Variants in WASF1 observed in about 807,000 individuals in gnomAD.
The protein encoded by WASF1 is WASP family member 1, also known as actin-binding protein WASF1.
WASF1 carries 7 observed loss-of-function variants against 50.5 expected under a neutral mutation model. That is an observed-to-expected ratio of 0.14 (90% CI 0.08 to 0.26). WASF1 has a LOEUF of 0.26. Among genes scored for constraint, WASF1 ranks in the 10% least tolerant of loss-of-function variants. The probability of loss-of-function intolerance (pLI) is 1.00; values close to 1 mark genes in which losing one functional copy is unlikely to be tolerated. For missense variants in WASF1, 470 were observed against 694.7 expected (o/e 0.68, Z 3.64); for synonymous variants, 205 against 244.0 (o/e 0.84, Z 1.49).
intron 3 of WASF1, among the ~76,000 whole-genome samples, chr6:110,145,283 T>A (rs964278576): frequency 1.1e-4 from 16 of 152,218 alleles, no homozygotes; most frequent in African/African-American, 3.9e-4. Flanking sequence ...TGTATAAGAA[T>A]GCTTGTGATT....
intron 3 of WASF1, among the ~76,000 whole-genome samples, chr6:110,135,886 T>C (rs2114538318): frequency 7.5e-6 from 1 of 133,196 alleles, no homozygotes; most frequent in East Asian, 2.1e-4. Context: ...CTTTTTTTTT[T>C]TTTTTTTTTT....
intron 2 of WASF1, among the ~76,000 whole-genome samples, chr6:110,170,661 A>C (rs1353491014): frequency 6.6e-6 from 1 of 151,046 alleles, no homozygotes; most frequent in Non-Finnish European, 1.5e-5. Flanking sequence ...GATAAGAGAC[A>C]GAGTAGATTA....
At chr6:110,159,864 T>A (rs955460007) in intron 3 of WASF1, among the ~76,000 whole-genome samples, 1 of 151,894 alleles carries the variant, frequency 6.6e-6, no homozygotes, top group Non-Finnish European at 1.5e-5. Flanking sequence ...TGTGGTATCA[T>A]GTTGGTGCTC....
chr6:110,145,892 A>T (rs1198007761), intron 3 of WASF1, among the ~76,000 whole-genome samples: 1 of 151,402 alleles, frequency 6.6e-6, no homozygotes, highest in Non-Finnish European at 1.5e-5. Context: ...CAAAAAAACC[A>T]AACACTGCAT....
At chr6:110,177,999 C>T (rs1777006381) in intron 2 of WASF1, among the ~76,000 whole-genome samples, 1 of 149,360 alleles carries the variant, frequency 6.7e-6, no homozygotes, top group Non-Finnish European at 1.5e-5. Flanking sequence ...GAAGCCTACT[C>T]ATACTTGTAG....
At chr6:110,145,719 A>G (rs1437873549) in intron 3 of WASF1, among the ~76,000 whole-genome samples, 3 of 152,114 alleles carry the variant, frequency 2.0e-5, no homozygotes, top group Non-Finnish European at 4.4e-5. Context: ...TGAGATAATC[A>G]TGTGGTTTTT....
intron 3 of WASF1, among the ~76,000 whole-genome samples, chr6:110,144,041 G>A (rs571391459): frequency 6.6e-6 from 1 of 152,110 alleles, no homozygotes; most frequent in Non-Finnish European, 1.5e-5. Context: ...TCACCACACC[G>A]ACTTCCACAA....
chr6:110,124,860 A>C (rs1442821245), intron 4 of WASF1, among the ~76,000 whole-genome samples: 1 of 152,228 alleles, frequency 6.6e-6, no homozygotes, highest in South Asian at 2.1e-4. Context: ...TAGTGAGCCA[A>C]GATCGCACCA....
intron 3 of WASF1, among the ~76,000 whole-genome samples, chr6:110,135,645 T>C (rs1011302385): frequency 2.6e-5 from 4 of 151,702 alleles, no homozygotes; most frequent in African/African-American, 7.3e-5. Context: ...TTACATTATA[T>C]GGCAAAGGGC....
intron 2 of WASF1, among the ~76,000 whole-genome samples, chr6:110,168,012 T>A (rs1584032448): frequency 6.6e-6 from 1 of 152,038 alleles, no homozygotes; most frequent in East Asian, 1.9e-4. Flanking sequence ...GCCTTAAAAT[T>A]TAACAGTAGC....
intron 3 of WASF1, among the ~76,000 whole-genome samples, chr6:110,146,444 ATACTT>A (rs1414565747): frequency 1.3e-5 from 2 of 151,990 alleles, no homozygotes; most frequent in Non-Finnish European, 2.9e-5. Context: ...CAATGACAAA[ATACTT>A]TATAATTGTG....
chr6:110,116,679 T>C (rs923262121), intron 4 of WASF1, among the ~76,000 whole-genome samples: 2 of 152,188 alleles, frequency 1.3e-5, no homozygotes, highest in South Asian at 2.1e-4. Context: ...AGTGGTTCTC[T>C]CAGCACAGCG....
At chr6:110,121,778 C>A (rs1408487829) in intron 4 of WASF1, among the ~76,000 whole-genome samples, 1 of 152,148 alleles carries the variant, frequency 6.6e-6, no homozygotes, top group Non-Finnish European at 1.5e-5. Context: ...AGACTTGGAA[C>A]CAACCCAAAT....
chr6:110,170,671 A>T (rs1274988114), intron 2 of WASF1, among the ~76,000 whole-genome samples: 1 of 128,754 alleles, frequency 7.8e-6, no homozygotes, highest in Non-Finnish European at 1.6e-5. Flanking sequence ...AGAGTAGATT[A>T]AAAAAAAAAG....
At chr6:110,104,395 A>G (rs1206553737) in intron 8 of WASF1, among the ~76,000 whole-genome samples, 1 of 152,200 alleles carries the variant, frequency 6.6e-6, no homozygotes, top group Admixed American at 6.5e-5. Flanking sequence ...TCTCAGATGT[A>G]TATTTCTCCT....
intron 2 of WASF1, among the ~76,000 whole-genome samples, chr6:110,173,636 C>T (rs1776807456): frequency 6.6e-6 from 1 of 152,152 alleles, no homozygotes; most frequent in East Asian, 1.9e-4. Context: ...ACTAGGATGT[C>T]TCTGGAACCC....
At chr6:110,167,312 A>G (rs1337349592) in intron 2 of WASF1, among the ~76,000 whole-genome samples, 2 of 150,272 alleles carry the variant, frequency 1.3e-5, no homozygotes, top group East Asian at 1.9e-4. Flanking sequence ...TTTTTTTTTC[A>G]AAGTTAGAAA....
intron 4 of WASF1, among the ~76,000 whole-genome samples, chr6:110,123,579 T>C (rs940903631): frequency 6.6e-6 from 1 of 152,180 alleles, no homozygotes; most frequent in Non-Finnish European, 1.5e-5. Context: ...AATAAAAACA[T>C]CTGTCTCTAA....
chr6:110,143,070 C>T (rs116703908), intron 3 of WASF1, among the ~76,000 whole-genome samples: 10,439 of 150,568 alleles, frequency 0.069, 464 homozygotes, highest in African/African-American at 0.13. Context: ...GTTGAGAGTA[C>T]GTAAACTAAA....
Sources: allele counts gnomAD v4.1 joint callset (sites outside exome capture counted in the v4.1 genomes callset), GRCh38; gene constraint gnomAD v4.1.1; transcripts MANE v1.5; gene names NCBI Gene and HGNC (gene_info 2026-07-23, HGNC 2026-07-21).